FSTL5: variants seen among roughly 807,000 people sequenced by gnomAD.
The protein encoded by FSTL5 is follistatin like 5, also known as follistatin-related protein 5.
Under a neutral mutation model 89.1 loss-of-function variants are expected in FSTL5, and 62 were observed. That is an observed-to-expected ratio of 0.70 (90% CI 0.57 to 0.86). The LOEUF (loss-of-function observed/expected upper bound fraction) is 0.86, where lower values mean the gene tolerates loss of function less well. Ranked by LOEUF, FSTL5 falls within the 40% of genes least tolerant of loss-of-function variation. The pLI is 0.00. For synonymous variants in FSTL5, 383 were observed against 346.2 expected, an observed-to-expected ratio of 1.11 and a Z score of -1.18; for missense variants, 1,057 against 1,001.6, an observed-to-expected ratio of 1.06 and a Z score of -0.75.
At chr4:161,426,478 G>A (rs928514446) in intron 15 of FSTL5, among the ~76,000 whole-genome samples, 2 of 152,216 alleles carry the variant, frequency 1.3e-5, no homozygotes, top group Non-Finnish European at 2.9e-5. Context: ...GACAGAGCTT[G>A]TAAGCAGATA....
chr4:162,082,976 A>C (rs1730162029), intron 2 of FSTL5, among the ~76,000 whole-genome samples: 1 of 151,716 alleles, frequency 6.6e-6, no homozygotes, highest in Non-Finnish European at 1.5e-5. Flanking sequence ...TTGAATGGTA[A>C]GTTTGAAGCC....
intron 7 of FSTL5, among the ~76,000 whole-genome samples, chr4:161,628,593 T>C (rs1177529452): frequency 6.6e-6 from 1 of 152,176 alleles, no homozygotes; most frequent in Non-Finnish European, 1.5e-5. Context: ...TGCAGAGAGA[T>C]GCCAAAAAGG....
chr4:162,150,275 A>G (rs1441848984), intron 1 of FSTL5, among the ~76,000 whole-genome samples: 1 of 152,160 alleles, frequency 6.6e-6, no homozygotes, highest in African/African-American at 2.4e-5. Flanking sequence ...TTAATATAAG[A>G]CAGAGATCAT....
chr4:161,545,774 A>T (rs1284199760), intron 8 of FSTL5, among the ~76,000 whole-genome samples: 28 of 152,020 alleles, frequency 1.8e-4, no homozygotes, highest in Non-Finnish European at 4.4e-5. Context: ...TGACAGTCAT[A>T]GATGGAATAC....
chr4:161,888,291 T>C (rs1732878572), intron 4 of FSTL5, among the ~76,000 whole-genome samples: 1 of 152,096 alleles, frequency 6.6e-6, no homozygotes. Flanking sequence ...GTGATCTTCA[T>C]TTCCCTTGCC....
chr4:161,649,223 T>C (rs756468086), intron 7 of FSTL5, among the ~76,000 whole-genome samples: 4 of 152,230 alleles, frequency 2.6e-5, no homozygotes, highest in Non-Finnish European at 4.4e-5. Flanking sequence ...GTAATTTACA[T>C]GTGGACCCAG....
chr4:161,625,517 G>A (rs1735286124), intron 7 of FSTL5, among the ~76,000 whole-genome samples: 1 of 152,088 alleles, frequency 6.6e-6, no homozygotes, highest in Admixed American at 6.6e-5. Context: ...TGAAAAATGT[G>A]TGCTTCACCG....
chr4:161,745,125 G>C (rs1740153409), intron 6 of FSTL5, among the ~76,000 whole-genome samples: 1 of 151,908 alleles, frequency 6.6e-6, no homozygotes, highest in African/African-American at 2.4e-5. Context: ...GCCTGGCTTT[G>C]GGGAAACAAT....
chr4:161,457,832 A>T (rs1264476028), intron 14 of FSTL5, among the ~76,000 whole-genome samples: 2 of 152,230 alleles, frequency 1.3e-5, no homozygotes, highest in East Asian at 3.9e-4. Context: ...ATATTGTGAT[A>T]GATGATTCTA....
At chr4:161,684,217 G>A (rs895258247) in intron 6 of FSTL5, among the ~76,000 whole-genome samples, 1 of 152,104 alleles carries the variant, frequency 6.6e-6, no homozygotes, top group Admixed American at 6.5e-5. Context: ...TTGCAATTGC[G>A]AATTGTTATG....
At chr4:162,082,400 T>C (rs1033373057) in intron 2 of FSTL5, among the ~76,000 whole-genome samples, 6 of 151,728 alleles carry the variant, frequency 4.0e-5, no homozygotes, top group Non-Finnish European at 8.9e-5. Flanking sequence ...ATATATTTTA[T>C]TGGTAATTTA....
chr4:162,040,757 ACCT>A (rs1028462160), intron 2 of FSTL5, among the ~76,000 whole-genome samples: 4 of 151,980 alleles, frequency 2.6e-5, no homozygotes, highest in African/African-American at 7.2e-5. Context: ...ATCCAGTCTT[ACCT>A]CCTCAACAAG....
At chr4:161,751,448 A>G (rs1022376655) in intron 6 of FSTL5, among the ~76,000 whole-genome samples, 2 of 152,154 alleles carry the variant, frequency 1.3e-5, no homozygotes, top group African/African-American at 4.8e-5. Flanking sequence ...GCTGAGTGGT[A>G]TTTCCCAAAA....
intron 7 of FSTL5, among the ~76,000 whole-genome samples, chr4:161,622,705 C>G (rs1735186117): frequency 6.6e-6 from 1 of 151,948 alleles, no homozygotes; most frequent in African/African-American, 2.4e-5. Context: ...AATGGTGTTT[C>G]ATTAATATAA....
intron 15 of FSTL5, among the ~76,000 whole-genome samples, chr4:161,454,035 G>A (rs1000873853): frequency 1.3e-5 from 2 of 152,146 alleles, no homozygotes; most frequent in Non-Finnish European, 2.9e-5. Flanking sequence ...CTTTGACTAT[G>A]AGTTATAATT....
At chr4:161,785,843 A>G (rs1291245374) in intron 4 of FSTL5, among the ~76,000 whole-genome samples, 1 of 152,098 alleles carries the variant, frequency 6.6e-6, no homozygotes, top group Admixed American at 6.5e-5. Flanking sequence ...ACATAATTAT[A>G]TATTTTTTTC....
rs763667230 is a variant in FSTL5, at chr4:161,587,494, A to G, written c.976T>C (p.Tyr326His). 2 of 1,613,196 alleles carry G rather than the reference A, an allele frequency of 1.2e-6. No individual in the cohort carries two copies. The highest frequency in any genetic ancestry group is 1.7e-6 in the Non-Finnish European group (2 of 1,179,316). ...ATGTGAGTCTGATAGACTTGTTCAT[A>G]GCCATCTGCATAGCAGGTGTAATTG... Reference protein sequence around the residue: ...VGNYTCYADGYEQVYQTHIFQ... With the variant: ...VGNYTCYADGHEQVYQTHIFQ... The change falls in exon 8 of 16, where the codon TAT (tyrosine) becomes CAT (histidine). Residue 326 changes from tyrosine to histidine, a missense_variant. Transcript: ENST00000306100.
At chr4:162,156,666 C>T (rs991689476) in intron 1 of FSTL5, among the ~76,000 whole-genome samples, 2 of 152,142 alleles carry the variant, frequency 1.3e-5, no homozygotes, top group Admixed American at 6.6e-5. Context: ...ATCCCATGTT[C>T]TCAGTTATAA....
chr4:162,053,769 TAG>T (rs1481274228), intron 2 of FSTL5, among the ~76,000 whole-genome samples: 1 of 151,928 alleles, frequency 6.6e-6, no homozygotes, highest in African/African-American at 2.4e-5. Context: ...TTAGAAGATA[TAG>T]ATTATCAATA....
Sources: allele counts gnomAD v4.1 joint callset (sites outside exome capture counted in the v4.1 genomes callset), GRCh38; gene constraint gnomAD v4.1.1; transcripts MANE v1.5; gene names NCBI Gene and HGNC (gene_info 2026-07-23, HGNC 2026-07-21).